Variants in MADD observed in about 807,000 individuals in gnomAD.
MADD encodes MAP kinase-activating death domain protein.
Under a neutral mutation model 176.7 loss-of-function variants are expected in MADD, and 109 were observed. The observed-to-expected ratio is 0.62, with a 90% CI of 0.53 to 0.72. The LOEUF (loss-of-function observed/expected upper bound fraction) is 0.72. MADD is among the 30% of genes least tolerant of loss of function. The probability of loss-of-function intolerance (pLI) is 0.00; values close to 1 mark genes in which losing one functional copy is unlikely to be tolerated. For synonymous variants in MADD, 771 were observed against 771.3 expected, an observed-to-expected ratio of 1.00 and a Z score of 0.01; for missense variants, 1,914 against 2,045.5, an observed-to-expected ratio of 0.94 and a Z score of 1.24.
intron 32 of MADD, 59 bp downstream of exon 36, chr11:47,328,763 C>G: frequency 4.4e-6 from 7 of 1,608,428 alleles, no homozygotes; most frequent in South Asian, 1.1e-5. Flanking sequence ...GGGGGACCTT[C>G]GGACAGGAGG....
chr11:47,280,856 C>T (rs574974730), intron 7 of MADD, among the ~76,000 whole-genome samples: 6 of 152,286 alleles, frequency 3.9e-5, no homozygotes, highest in South Asian at 2.1e-4. Context: ...CATGAGCCAC[C>T]GTGCCCAGCC....
intron 8 of MADD, 66 bp from the exon 9 acceptor site, chr11:47,282,315 A>G (rs942910039): frequency 2.2e-6 from 3 of 1,367,640 alleles, no homozygotes; most frequent in East Asian, 2.3e-5. Flanking sequence ...GAGGTGTTCT[A>G]AGACTTTGGA....
intron 27 of MADD, among the ~76,000 whole-genome samples, chr11:47,319,626 C>T (rs974334582): frequency 1.3e-5 from 2 of 152,158 alleles, no homozygotes; most frequent in Non-Finnish European, 2.9e-5. Flanking sequence ...ATTGAAAATG[C>T]ATATTTGTGC....
At position 47,325,022 on chromosome 11, in the gene MADD, CGTGCTTGT is replaced by C. The variant is rs901436059; in HGVS notation, c.4542+449_4542+456del. 3 of 514,298 alleles carry C rather than the reference CGTGCTTGT, an allele frequency of 5.8e-6. No individual in the cohort carries two copies. The highest frequency in any genetic ancestry group is 6.8e-5 in the Admixed American group (2 of 29,378). 31.9% of individuals were successfully genotyped at this position (514,298 alleles called of 1,614,324 possible). A position where few individuals can be genotyped will look rare whatever the true frequency, so the allele number is the denominator to read the frequency against. ...TTGCGTGTGCGTGCGTGCGTGCCTG[CGTGCTTGT>C]GTGTAAGTAGCTTGTATCTGTCCTC... On this transcript the variant is annotated intron_variant, in intron 30 of 32. Coordinates refer to ENST00000402192, the Ensembl canonical transcript of MADD. This position sits in a 1 kb window ranked among gnomAD's most constrained non-coding sequence, Gnocchi z 4.5.
intron 15 of MADD, among the ~76,000 whole-genome samples, chr11:47,287,357 A>T (rs1322152816): frequency 6.6e-6 from 1 of 152,090 alleles, no homozygotes; most frequent in South Asian, 2.1e-4. Context: ...ACCTTATTTG[A>T]ATTGGTTTGT....
chr11:47,313,207 G>A (rs542859646), intron 26 of MADD, among the ~76,000 whole-genome samples: 7 of 152,334 alleles, frequency 4.6e-5, no homozygotes, highest in Admixed American at 4.6e-4. Flanking sequence ...AATGAGATTG[G>A]TGGTGATATT....
intron 25 of MADD, among the ~76,000 whole-genome samples, 198 bp from the exon 29 acceptor site, chr11:47,311,534 A>G (rs994220289): frequency 1.1e-4 from 17 of 152,194 alleles, no homozygotes; most frequent in African/African-American, 3.4e-4. Flanking sequence ...GAAGCTAACT[A>G]GAGACAGAGC....
chr11:47,323,587 A>G, intron 27 of MADD, 84 bp from the exon 31 acceptor site: 5 of 1,465,316 alleles, frequency 3.4e-6, no homozygotes, highest in Non-Finnish European at 4.7e-6. Flanking sequence ...GGGATGCCCC[A>G]GGACCACCTT....
chr11:47,295,017 G>GTT (rs113012334), intron 20 of MADD, among the ~76,000 whole-genome samples: 75 of 146,624 alleles, frequency 5.1e-4, no homozygotes, highest in East Asian at 9.9e-4. Flanking sequence ...TTGTTTTTTT[G>GTT]TTTTTTTTTT....
intron 20 of MADD, among the ~76,000 whole-genome samples, chr11:47,294,541 G>A (rs2068786335): frequency 1.3e-5 from 2 of 150,190 alleles, no homozygotes; most frequent in Admixed American, 6.6e-5. Context: ...GTGGTGGCGG[G>A]CACCTGTAAT....
At chr11:47,320,387 G>A (rs1430044359) in intron 27 of MADD, among the ~76,000 whole-genome samples, 3 of 151,774 alleles carry the variant, frequency 2.0e-5, no homozygotes, top group Non-Finnish European at 2.9e-5. Context: ...CCTGGGAGGC[G>A]GAGGTTGCAG....
chr11:47,281,669 C>T, exon 8 of MADD: 1 of 1,613,788 alleles, frequency 6.2e-7, no homozygotes. Flanking sequence ...GGAAGGCCTT[C>T]TAATGACCTG....
chr11:47,274,057 T>C (rs2136254810), intron 2 of MADD, 81 bp downstream of exon 2: 2 of 1,326,112 alleles, frequency 1.5e-6, no homozygotes, highest in South Asian at 1.2e-5. Context: ...CCGATTTCCA[T>C]GTTGCTTTGC....
chr11:47,317,845 C>G (rs1053954141), intron 27 of MADD, among the ~76,000 whole-genome samples: 1 of 151,926 alleles, frequency 6.6e-6, no homozygotes, highest in African/African-American at 2.4e-5. Context: ...TCTCGGCTCA[C>G]TGCAACCTAT....
intron 22 of MADD, among the ~76,000 whole-genome samples, chr11:47,306,192 G>A (rs182028220): frequency 4.6e-5 from 7 of 152,288 alleles, no homozygotes; most frequent in Non-Finnish European, 1.0e-4. Context: ...GGAGTGGGGA[G>A]GGGTAGGTGG....
intron 14 of MADD, among the ~76,000 whole-genome samples, chr11:47,286,073 G>T (rs1289054282): frequency 6.6e-6 from 1 of 152,230 alleles, no homozygotes; most frequent in African/African-American, 2.4e-5. Context: ...GAGAGCGAAC[G>T]TAGAGGATCC....
intron 27 of MADD, among the ~76,000 whole-genome samples, chr11:47,321,455 G>C (rs2094459032): frequency 6.6e-6 from 1 of 152,224 alleles, no homozygotes; most frequent in Non-Finnish European, 1.5e-5. Context: ...TTATATGCTA[G>C]GTACTTTGTT....
intron 31 of MADD, chr11:47,327,116 G>T: frequency 9.1e-7 from 1 of 1,097,562 alleles, no homozygotes; most frequent in Admixed American, 4.5e-5. Context: ...AGAAAGTTTG[G>T]GACACAGCAG....
At chr11:47,286,575 G>A in intron 15 of MADD, 41 bp downstream of exon 15, 4 of 1,495,444 alleles carry the variant, frequency 2.7e-6, no homozygotes, top group Non-Finnish European at 3.7e-6. Flanking sequence ...GTTTCTCCGG[G>A]AGATGTTTCG....
Sources: gnomAD v4.1 joint callset for allele counts (sites outside exome capture counted in the v4.1 genomes callset) on GRCh38, gnomAD v4.1.1 for gene constraint, Gnocchi (gnomAD v3.1) non-coding constraint, MANE v1.5 for transcripts, NCBI Gene and HGNC (gene_info 2026-07-23, HGNC 2026-07-21) for gene names.